SUSD6: variants seen among roughly 807,000 people sequenced by gnomAD.
The protein encoded by SUSD6 is sushi domain-containing protein 6.
In SUSD6, 16 loss-of-function variants were observed where a neutral mutation model predicts 28.4. The ratio of observed to expected loss-of-function variants is 0.56; its 90% CI spans 0.38 to 0.86. The LOEUF (loss-of-function observed/expected upper bound fraction) is 0.86, where lower values mean the gene tolerates loss of function less well. Ranked by LOEUF, SUSD6 falls within the 40% of genes least tolerant of loss-of-function variation. The pLI is 0.00. For missense variants in SUSD6, 341 were observed against 384.2 expected, an observed-to-expected ratio of 0.89 and a Z score of 0.94; for synonymous variants, 147 against 159.6, an observed-to-expected ratio of 0.92 and a Z score of 0.59.
intron 1 of SUSD6, among the ~76,000 whole-genome samples, chr14:69,612,515 A>G (rs1207820263): frequency 6.6e-6 from 1 of 151,468 alleles, no homozygotes; most frequent in East Asian, 1.9e-4. Context: ...ACTCTCCCTC[A>G]TGGGAGTCGT....
intron 2 of SUSD6, among the ~76,000 whole-genome samples, chr14:69,661,737 C>T (rs1307882923): frequency 6.6e-6 from 1 of 152,196 alleles, no homozygotes; most frequent in Non-Finnish European, 1.5e-5. Context: ...CTCAGATACT[C>T]TGAAGCCGAG....
chr14:69,656,360 G>A (rs904611021), intron 1 of SUSD6, among the ~76,000 whole-genome samples: 1 of 152,166 alleles, frequency 6.6e-6, no homozygotes, highest in Non-Finnish European at 1.5e-5. Flanking sequence ...ACATGCAGGT[G>A]TCATTCTTGA....
intron 2 of SUSD6, among the ~76,000 whole-genome samples, chr14:69,673,411 A>G (rs188524967): frequency 3.7e-4 from 57 of 152,250 alleles, no homozygotes; most frequent in African/African-American, 1.2e-3. Context: ...AGAACCACCA[A>G]TTTATACTTG....
intron 4 of SUSD6, among the ~76,000 whole-genome samples, chr14:69,707,410 A>T (rs577131013): frequency 6.6e-6 from 1 of 152,260 alleles, no homozygotes; most frequent in Non-Finnish European, 1.5e-5. Flanking sequence ...AAGAAGCCAG[A>T]AACAGATATA....
chr14:69,622,697 G>A (rs1285640649), intron 1 of SUSD6, among the ~76,000 whole-genome samples: 4 of 152,060 alleles, frequency 2.6e-5, no homozygotes, highest in Non-Finnish European at 5.9e-5. Flanking sequence ...AGGTTCGAGC[G>A]ATTCTCCTGC....
At chr14:69,635,822 A>G (rs1595035785) in intron 1 of SUSD6, among the ~76,000 whole-genome samples, 1 of 152,340 alleles carries the variant, frequency 6.6e-6, no homozygotes, top group African/African-American at 2.4e-5. Flanking sequence ...CTGGGCTGGC[A>G]TTGGCCCTGA....
intron 1 of SUSD6, among the ~76,000 whole-genome samples, chr14:69,629,720 C>T (rs934987156): frequency 4.6e-5 from 7 of 152,184 alleles, no homozygotes; most frequent in African/African-American, 7.2e-5. Context: ...AGCTTCTTGC[C>T]GTGAGGCTGG....
chr14:69,639,108 A>G (rs1442746686), intron 1 of SUSD6, among the ~76,000 whole-genome samples: 1 of 151,992 alleles, frequency 6.6e-6, no homozygotes, highest in Non-Finnish European at 1.5e-5. Context: ...GGTGGATCAC[A>G]AGGTCAGGAG....
chr14:69,674,668 C>T (rs1885881462), intron 2 of SUSD6, among the ~76,000 whole-genome samples: 1 of 152,002 alleles, frequency 6.6e-6, no homozygotes, highest in African/African-American at 2.4e-5. Flanking sequence ...GAATTTGACC[C>T]CGTTTTCAGC....
At chr14:69,654,734 GT>G (rs1356791540) in intron 1 of SUSD6, among the ~76,000 whole-genome samples, 2 of 149,096 alleles carry the variant, frequency 1.3e-5, no homozygotes, top group African/African-American at 5.0e-5. Context: ...TAACCACTCA[GT>G]TCCCCTCCCT....
intron 2 of SUSD6, among the ~76,000 whole-genome samples, chr14:69,697,160 T>C (rs1333894608): frequency 2.0e-5 from 3 of 151,744 alleles, no homozygotes; most frequent in Non-Finnish European, 4.4e-5. Context: ...GGTGGGGGAG[T>C]GTCTTTTAGC....
intron 2 of SUSD6, among the ~76,000 whole-genome samples, chr14:69,695,463 C>G (rs914186178): frequency 1.3e-5 from 2 of 152,216 alleles, no homozygotes; most frequent in Non-Finnish European, 1.5e-5. Context: ...GACAAATTTG[C>G]AAATGTCAGA....
At chr14:69,644,636 C>T (rs929050325) in intron 1 of SUSD6, among the ~76,000 whole-genome samples, 6 of 150,280 alleles carry the variant, frequency 4.0e-5, no homozygotes, top group East Asian at 1.9e-4. Flanking sequence ...AGTGAGACTC[C>T]GTCTCAAAAA....
At chr14:69,666,642 A>G (rs983509514) in intron 2 of SUSD6, among the ~76,000 whole-genome samples, 1 of 152,144 alleles carries the variant, frequency 6.6e-6, no homozygotes, top group African/African-American at 2.4e-5. Context: ...GCCCCTTTCT[A>G]CCTAGATTTA....
intron 1 of SUSD6, among the ~76,000 whole-genome samples, chr14:69,648,150 C>T (rs1232190326): frequency 1.3e-5 from 2 of 152,124 alleles, no homozygotes; most frequent in Admixed American, 6.5e-5. Flanking sequence ...GTCACAGGCA[C>T]TATGCTATGT....
At chr14:69,620,939 A>C (rs1018365896) in intron 1 of SUSD6, among the ~76,000 whole-genome samples, 4 of 152,234 alleles carry the variant, frequency 2.6e-5, no homozygotes, top group Non-Finnish European at 4.4e-5. Context: ...CATCTCCCTC[A>C]AGCCTCAATT....
intron 1 of SUSD6, among the ~76,000 whole-genome samples, 177 bp downstream of exon 1, chr14:69,612,005 G>T (rs894360606): frequency 6.7e-6 from 1 of 148,896 alleles, no homozygotes; most frequent in African/African-American, 2.4e-5. Context: ...TCACCCGGCC[G>T]CGAGCCGCGC....
At chr14:69,663,158 G>GT (rs1213120619) in intron 2 of SUSD6, among the ~76,000 whole-genome samples, 1 of 152,196 alleles carries the variant, frequency 6.6e-6, no homozygotes, top group Non-Finnish European at 1.5e-5. Context: ...TGTTTGCATA[G>GT]TTTGATCTTA....
chr14:69,645,310 A>G, intron 1 of SUSD6, among the ~76,000 whole-genome samples: 1 of 152,214 alleles, frequency 6.6e-6, no homozygotes, highest in Non-Finnish European at 1.5e-5. Flanking sequence ...AACTGGGACC[A>G]TATGTATGGA....
Sources: gnomAD v4.1 joint callset for allele counts (sites outside exome capture counted in the v4.1 genomes callset) on GRCh38, gnomAD v4.1.1 for gene constraint, MANE v1.5 for transcripts, NCBI Gene and HGNC (gene_info 2026-07-23, HGNC 2026-07-21) for gene names.